Variants in CNBD1 observed in about 807,000 individuals in gnomAD.
CNBD1 encodes the protein cyclic nucleotide binding domain containing 1.
In CNBD1, 71 loss-of-function variants were observed where a neutral mutation model predicts 54.4. That is an observed-to-expected ratio of 1.30 (90% CI 1.08 to 1.59). CNBD1 has a LOEUF of 1.59. Among genes scored for constraint, CNBD1 ranks in the 40% most tolerant of loss-of-function variants. The probability of loss-of-function intolerance (pLI) is 0.00; values close to 1 mark genes in which losing one functional copy is unlikely to be tolerated. For missense variants in CNBD1, 659 were observed against 518.0 expected (o/e 1.27, Z -2.64); for synonymous variants, 182 against 170.7 (o/e 1.07, Z -0.51).
chr8:86,984,774 T>G (rs2130515623), intron 4 of CNBD1, among the ~76,000 whole-genome samples: 1 of 152,318 alleles, frequency 6.6e-6, no homozygotes, highest in South Asian at 2.1e-4. Flanking sequence ...CCATTGTATC[T>G]AGGAAGTAAC....
At chr8:87,180,673 A>T (rs1268432821) in intron 4 of CNBD1, among the ~76,000 whole-genome samples, 1 of 152,218 alleles carries the variant, frequency 6.6e-6, no homozygotes, top group Non-Finnish European at 1.5e-5. Flanking sequence ...ATCTGTACCA[A>T]TTAAAACTTA....
intron 3 of CNBD1, among the ~76,000 whole-genome samples, chr8:86,917,761 C>G (rs539996860): frequency 2.0e-5 from 3 of 152,130 alleles, no homozygotes; most frequent in Non-Finnish European, 4.4e-5. Context: ...CTTCCTCTCT[C>G]CAACTACAAT....
At chr8:87,165,344 A>T (rs1437743349) in intron 4 of CNBD1, among the ~76,000 whole-genome samples, 1 of 151,930 alleles carries the variant, frequency 6.6e-6, no homozygotes, top group Non-Finnish European at 1.5e-5. Flanking sequence ...CTAATAGTGA[A>T]AATGGGGTAT....
chr8:87,369,127 T>C (rs1248320402), intron 10 of CNBD1, among the ~76,000 whole-genome samples: 1 of 152,062 alleles, frequency 6.6e-6, no homozygotes, highest in Non-Finnish European at 1.5e-5. Flanking sequence ...GCCATAATTG[T>C]ATAAATTTTG....
intron 4 of CNBD1, among the ~76,000 whole-genome samples, chr8:87,013,232 C>T (rs1000387498): frequency 2.0e-5 from 3 of 152,146 alleles, no homozygotes; most frequent in African/African-American, 7.2e-5. Flanking sequence ...TTATTCTAAG[C>T]TGGTTTTCCC....
intron 4 of CNBD1, among the ~76,000 whole-genome samples, chr8:87,043,075 C>A (rs1281057730): frequency 6.6e-6 from 1 of 152,160 alleles, no homozygotes; most frequent in Admixed American, 6.5e-5. Flanking sequence ...AATGCTGCAA[C>A]AGGCAGCACA....
intron 6 of CNBD1, among the ~76,000 whole-genome samples, chr8:87,261,219 A>G (rs563937556): frequency 7.2e-5 from 11 of 152,210 alleles, no homozygotes; most frequent in African/African-American, 2.4e-4. Context: ...AGAGAGCTCA[A>G]AACACAAATC....
chr8:87,415,879 C>G (rs1361222538), intron 2 of CNBD1, among the ~76,000 whole-genome samples: 2 of 151,354 alleles, frequency 1.3e-5, no homozygotes, highest in Non-Finnish European at 3.0e-5. Context: ...AAATTAAAAC[C>G]AAATAAGAAT....
chr8:87,184,714 C>T (rs1813437273), intron 4 of CNBD1, among the ~76,000 whole-genome samples: 1 of 152,098 alleles, frequency 6.6e-6, no homozygotes, highest in Non-Finnish European at 1.5e-5. Context: ...CCTCCCCTTT[C>T]AGCCTCCGGG....
chr8:87,270,762 T>C (rs971327382), intron 6 of CNBD1, among the ~76,000 whole-genome samples: 5 of 151,952 alleles, frequency 3.3e-5, no homozygotes, highest in African/African-American at 1.2e-4. Flanking sequence ...AATGCTGACC[T>C]TATAGAATGA....
chr8:87,305,887 A>T (rs927060636), intron 8 of CNBD1, among the ~76,000 whole-genome samples: 3 of 152,222 alleles, frequency 2.0e-5, no homozygotes, highest in African/African-American at 4.8e-5. Flanking sequence ...AATGCAGTAA[A>T]AACAAAGATA....
intron 1 of CNBD1, among the ~76,000 whole-genome samples, chr8:86,868,574 G>GCC (rs11370386): frequency 2.6e-5 from 4 of 151,902 alleles, no homozygotes; most frequent in African/African-American, 4.8e-5. Context: ...CTCGTGATCT[G>GCC]CCCCCCTCAG....
chr8:86,885,391 C>G (rs987552760), intron 1 of CNBD1, among the ~76,000 whole-genome samples: 1 of 152,154 alleles, frequency 6.6e-6, no homozygotes, highest in Admixed American at 6.5e-5. Context: ...TTTCTAACCC[C>G]TTTCCAGCCC....
At chr8:87,335,485 T>A (rs568679129) in intron 8 of CNBD1, among the ~76,000 whole-genome samples, 1 of 152,326 alleles carries the variant, frequency 6.6e-6, no homozygotes, top group African/African-American at 2.4e-5. Flanking sequence ...TTTTGATCTT[T>A]GTTGATTAAA....
intron 4 of CNBD1, among the ~76,000 whole-genome samples, chr8:87,052,921 T>C (rs1810340660): frequency 1.3e-5 from 2 of 151,056 alleles, no homozygotes; most frequent in African/African-American, 4.9e-5. Flanking sequence ...TCATATCCAC[T>C]GGGCATTTCT....
intron 2 of CNBD1, among the ~76,000 whole-genome samples, chr8:87,426,273 C>G (rs1053792181): frequency 6.6e-6 from 1 of 152,186 alleles, no homozygotes; most frequent in Admixed American, 6.5e-5. Flanking sequence ...AGAAATCACC[C>G]GTCTTCTGCG....
intron 4 of CNBD1, among the ~76,000 whole-genome samples, chr8:87,106,190 CCTTTTCTTTTTCTTTT>C (rs1177364270): frequency 1.3e-5 from 2 of 148,798 alleles, no homozygotes; most frequent in Non-Finnish European, 3.0e-5. Context: ...CCTTTCCTTT[CCTTTTCTTTTTCTTTT>C]CTTTTCTTTT....
intron 8 of CNBD1, among the ~76,000 whole-genome samples, chr8:87,313,306 C>T (rs1026355062): frequency 6.6e-6 from 1 of 151,932 alleles, no homozygotes; most frequent in Non-Finnish European, 1.5e-5. Flanking sequence ...AAATGTAAAT[C>T]AAATTGGAGT....
chr8:87,328,878 A>T (rs1006895122), intron 8 of CNBD1, among the ~76,000 whole-genome samples: 1 of 152,060 alleles, frequency 6.6e-6, no homozygotes, highest in African/African-American at 2.4e-5. Flanking sequence ...AAATTAGAAC[A>T]TTTTCTTAAT....
Sources: allele counts gnomAD v4.1 joint callset (sites outside exome capture counted in the v4.1 genomes callset), GRCh38; gene constraint gnomAD v4.1.1; transcripts MANE v1.5; gene names NCBI Gene and HGNC (gene_info 2026-07-23, HGNC 2026-07-21).